Variants in CUX1 observed in about 807,000 individuals in gnomAD.
CUX1 encodes cut like homeobox 1.
A neutral mutation model predicts 158.8 loss-of-function variants in CUX1; 31 were observed. The ratio of observed to expected loss-of-function variants is 0.20; its 90% confidence interval spans 0.15 to 0.26. The LOEUF is 0.26. CUX1 is among the 10% of genes least tolerant of loss of function. The pLI is 1.00. For synonymous variants in CUX1, 879 were observed against 862.1 expected, an observed-to-expected ratio of 1.02 and a Z score of -0.34; for missense variants, 1,589 against 2,014.6, an observed-to-expected ratio of 0.79 and a Z score of 4.04.
At chr7:102,229,467 G>T (rs1378662807) in intron 21 of CUX1, among the ~76,000 whole-genome samples, 1 of 149,162 alleles carries the variant, frequency 6.7e-6, no homozygotes, top group South Asian at 2.1e-4. Flanking sequence ...ATCCGCCACC[G>T]TGCCCAGCTA....
intron 1 of CUX1, among the ~76,000 whole-genome samples, chr7:101,840,583 C>G (rs944723982): frequency 6.6e-6 from 1 of 152,102 alleles, no homozygotes; most frequent in African/African-American, 2.4e-5. Flanking sequence ...GGGATAAACT[C>G]TTCTTCCTCT....
At chr7:102,039,263 A>G (rs1222342066) in intron 3 of CUX1, among the ~76,000 whole-genome samples, 1 of 152,186 alleles carries the variant, frequency 6.6e-6, no homozygotes, top group Non-Finnish European at 1.5e-5. Flanking sequence ...ACAGGTCATA[A>G]TGGCAGGACT....
At chr7:102,128,210 AG>A (rs1832855765) in intron 8 of CUX1, among the ~76,000 whole-genome samples, 1 of 152,190 alleles carries the variant, frequency 6.6e-6, no homozygotes, top group Non-Finnish European at 1.5e-5. Context: ...GAATTCTCCA[AG>A]GGCTCATGGC....
At chr7:102,112,106 GAA>G (rs570615259) in intron 7 of CUX1, 19 of 119,164 alleles carry the variant, frequency 1.6e-4, no homozygotes, top group East Asian at 5.7e-4. Context: ...AACAATAATA[GAA>G]AAAAAAAAAA....
At chr7:101,987,658 T>C (rs985897404) in intron 2 of CUX1, among the ~76,000 whole-genome samples, 1 of 152,186 alleles carries the variant, frequency 6.6e-6, no homozygotes, top group African/African-American at 2.4e-5. Context: ...GGCGGGGACA[T>C]TGCCTTTCCC....
At chr7:102,263,462 C>T (rs975809233) in intron 14 of CUX1, among the ~76,000 whole-genome samples, 3 of 151,464 alleles carry the variant, frequency 2.0e-5, no homozygotes, top group Non-Finnish European at 4.4e-5. Flanking sequence ...TACAGGTGCA[C>T]ACTGCCATGC....
Position 102,248,689 on chromosome 7 carries a change from G to A in CUX1, c.4165G>A (p.Asp1389Asn). 5 of 1,276,446 alleles carry A rather than the reference G, an allele frequency of 3.9e-6. No individual in the cohort carries two copies. The highest frequency in any genetic ancestry group is 5.0e-6 in the Non-Finnish European group (5 of 1,009,286). 79.1% of individuals were successfully genotyped at this position (1,276,446 alleles called of 1,614,324 possible). A position where few individuals can be genotyped will look rare whatever the true frequency, so the allele number is the denominator to read the frequency against. The change falls in exon 24 of 24, where the codon GAC becomes AAC. Residue 1389 changes from aspartate to asparagine, a missense_variant. Physicochemically the swap from Asp to Asn is conservative, Grantham distance 23 (BLOSUM62 1). Around this residue, in one of 8 missense-constraint regions of CUX1, gnomAD observed 344 missense variants for 323.7 expected, o/e 1.06. Transcript: ENST00000292535. This position sits in a 1 kb window ranked among gnomAD's most constrained non-coding sequence, Gnocchi z 5.8. ...GTPGPDDARD[D>N]DHEGGPVEGP... is the part of the protein sequence containing the mutation. ...CCCGGGCCCGGACGACGCCCGCGAC[G>A]ACGACCACGAGGGAGGCCCCGTGGA...
At position 102,253,827 on chromosome 7, in the gene CUX1, G is replaced by C. The variant is rs1801783559; in HGVS notation, c.*4785G>C. 1.2e-5 allele frequency: 12 copies of C among 985,666 alleles called. No homozygotes were observed. In the South Asian group the frequency reaches 3.3e-4, roughly 27 times the overall value. The allele number at this position is 985,666 out of a possible 1,614,324, so 61.1% of individuals were successfully genotyped here. ...GAGCGGTGGGCGTGCTGGGCTATTT[G>C]CTGTGGTACTTTAGGCTGGAGGTTT... On this transcript the variant is annotated 3_prime_UTR_variant, in exon 24 of 24. Transcript: ENST00000292535.
intron 1 of CUX1, among the ~76,000 whole-genome samples, chr7:101,832,238 T>A (rs549660594): frequency 6.6e-6 from 1 of 152,106 alleles, no homozygotes; most frequent in African/African-American, 2.4e-5. Flanking sequence ...TGCCTGGCCC[T>A]GGCATTTCAG....
chr7:102,206,702 G>A (rs978578019), intron 20 of CUX1, among the ~76,000 whole-genome samples: 1 of 152,152 alleles, frequency 6.6e-6, no homozygotes, highest in East Asian at 1.9e-4. Context: ...TTTAAGACCA[G>A]CCTGGCCAAC....
At chr7:102,018,414 G>A (rs1818927347) in intron 2 of CUX1, among the ~76,000 whole-genome samples, 1 of 152,244 alleles carries the variant, frequency 6.6e-6, no homozygotes, top group Admixed American at 6.5e-5. Flanking sequence ...TGGCCATGAG[G>A]ACAGTCCTGC....
intron 2 of CUX1, among the ~76,000 whole-genome samples, chr7:102,016,195 G>A (rs36053295): frequency 0.028 from 4,272 of 151,962 alleles, 86 homozygotes; most frequent in Non-Finnish European, 0.034. Flanking sequence ...CAGTCCTCTC[G>A]CCTTAACCTC....
At chr7:102,102,474 G>A (rs372704713) in intron 5 of CUX1, among the ~76,000 whole-genome samples, 10 of 148,498 alleles carry the variant, frequency 6.7e-5, no homozygotes, top group Admixed American at 6.7e-5. Context: ...ACTAAGCCGC[G>A]TGGGTGTTAA....
chr7:102,065,192 CCA>C (rs1336277825), intron 3 of CUX1, among the ~76,000 whole-genome samples: 3 of 152,064 alleles, frequency 2.0e-5, no homozygotes, highest in African/African-American at 7.2e-5. Flanking sequence ...AGCGATCCTC[CCA>C]CCTCAGCCTC....
At chr7:102,192,346 T>C (rs1794368076) in intron 12 of CUX1, among the ~76,000 whole-genome samples, 1 of 152,206 alleles carries the variant, frequency 6.6e-6, no homozygotes, top group South Asian at 2.1e-4. Context: ...ACTTGGAGTC[T>C]TGCCTATTAC....
At chr7:101,934,314 G>T (rs1022969121) in intron 2 of CUX1, among the ~76,000 whole-genome samples, 1 of 152,134 alleles carries the variant, frequency 6.6e-6, no homozygotes, top group African/African-American at 2.4e-5. Flanking sequence ...TAGCATAGTC[G>T]ATGTTTTAAA....
chr7:102,052,257 ACTC>A (rs1344070327), intron 3 of CUX1, among the ~76,000 whole-genome samples: 2 of 151,822 alleles, frequency 1.3e-5, no homozygotes, highest in East Asian at 3.9e-4. Context: ...ATTAGTGGTC[ACTC>A]CTCATTTATC....
rs1483455236 is a variant in CUX1, at chr7:101,916,089, C to T, written c.31-26C>T. ...AGTACACAGTGCAATTACAATCTCA[C>T]TTTTCCTTTCCTGTTTCCCCAACAG... is the stretch of plus-strand genomic sequence containing the variant. On this transcript the variant is annotated intron_variant, in intron 1 of 23. Coordinates refer to ENST00000292535, the MANE Select transcript of CUX1 (RefSeq NM_181552.4). This position sits in a 1 kb window ranked among gnomAD's most constrained non-coding sequence, Gnocchi z 4.4. The T allele has an allele frequency of 1.9e-6, 3 of 1,544,282 alleles. No homozygotes were observed. In the Admixed American group the frequency reaches 5.0e-5, roughly 26 times the overall value.
intron 20 of CUX1, among the ~76,000 whole-genome samples, chr7:102,216,435 AT>A (rs1386721407): frequency 6.6e-6 from 1 of 151,830 alleles, no homozygotes; most frequent in African/African-American, 2.4e-5. Context: ...GCCAGAGAGC[AT>A]GACTTGGTAA....
Sources: allele counts gnomAD v4.1 joint callset (sites outside exome capture counted in the v4.1 genomes callset), GRCh38; gene constraint gnomAD v4.1.1; regional missense constraint gnomAD v4.1.1; non-coding constraint Gnocchi (gnomAD v3.1); transcripts MANE v1.5; gene names NCBI Gene and HGNC (gene_info 2026-07-23, HGNC 2026-07-21).